DOCK1: variants seen among roughly 807,000 people sequenced by gnomAD.
The protein encoded by DOCK1 is dedicator of cytokinesis protein 1.
Under a neutral mutation model 262.7 loss-of-function variants are expected in DOCK1, and 138 were observed. That is an observed-to-expected ratio of 0.53 (90% CI 0.46 to 0.61). The LOEUF (loss-of-function observed/expected upper bound fraction) is 0.61. Among genes scored for constraint, DOCK1 ranks in the 20% least tolerant of loss-of-function variants. The probability of loss-of-function intolerance (pLI) is 0.00; values close to 1 mark genes in which losing one functional copy is unlikely to be tolerated. For missense variants in DOCK1, 1,908 were observed against 2,370.7 expected, an observed-to-expected ratio of 0.80 and a Z score of 4.05; for synonymous variants, 866 against 867.4, an observed-to-expected ratio of 1.00 and a Z score of 0.03.
At chr10:127,150,374 A>C (rs201678968) in intron 27 of DOCK1, among the ~76,000 whole-genome samples, 1 of 62,588 alleles carries the variant, frequency 1.6e-5, no homozygotes, top group African/African-American at 2.8e-5. Context: ...CCCTGAGGGA[A>C]GTGACCCTGT....
intron 15 of DOCK1, 117 bp from the exon 16 acceptor site, chr10:127,026,235 T>G (rs925143676): frequency 3.9e-6 from 4 of 1,016,862 alleles, no homozygotes; most frequent in Non-Finnish European, 6.0e-6. Flanking sequence ...GTGTACAGTA[T>G]TTTCACCACT....
At chr10:127,208,253 G>A (rs186571918) in intron 27 of DOCK1, among the ~76,000 whole-genome samples, 7 of 152,212 alleles carry the variant, frequency 4.6e-5, no homozygotes, top group East Asian at 1.9e-4. Flanking sequence ...TTAAATGGAC[G>A]GTCATATATG....
chr10:127,186,507 G>GGCCCCCC (rs2056257465), intron 27 of DOCK1, among the ~76,000 whole-genome samples: 1 of 5,912 alleles, frequency 1.7e-4, no homozygotes, highest in African/African-American at 3.2e-4. Context: ...GGGAGAAACC[G>GGCCCCCC]CCCCCCCGCC....
intron 29 of DOCK1, 39 bp from the exon 30 acceptor site, chr10:127,338,967 G>GT (rs1219194388): frequency 3.3e-6 from 5 of 1,521,806 alleles, no homozygotes; most frequent in Middle Eastern, 1.7e-4. Flanking sequence ...GTGCCAGAGC[G>GT]TAAGTGTGTA....
At chr10:127,351,127 A>C (rs2063859176) in intron 31 of DOCK1, among the ~76,000 whole-genome samples, 1 of 152,194 alleles carries the variant, frequency 6.6e-6, no homozygotes. Context: ...AGATTAGGCC[A>C]CAGGGACCAA....
intron 2 of DOCK1, among the ~76,000 whole-genome samples, chr10:126,975,628 C>CTT (rs79203184): frequency 4.9e-5 from 7 of 143,176 alleles, no homozygotes; most frequent in Admixed American, 2.8e-4. Context: ...TCTTTCTTTT[C>CTT]TTTTTTTTTT....
intron 29 of DOCK1, among the ~76,000 whole-genome samples, chr10:127,286,470 A>G (rs2061156632): frequency 1.3e-5 from 2 of 152,110 alleles, no homozygotes; most frequent in African/African-American, 4.8e-5. Flanking sequence ...ACTTTCATAC[A>G]TGTACAGAAG....
intron 32 of DOCK1, among the ~76,000 whole-genome samples, chr10:127,361,176 T>C (rs745666387): frequency 8.4e-5 from 12 of 143,584 alleles, no homozygotes; most frequent in Non-Finnish European, 1.3e-4. Flanking sequence ...TGCACTGGCG[T>C]GATCTTGGCT....
chr10:127,310,652 A>T (rs2062032079), intron 29 of DOCK1, among the ~76,000 whole-genome samples: 1 of 152,208 alleles, frequency 6.6e-6, no homozygotes, highest in South Asian at 2.1e-4. Context: ...GTTGCCATAA[A>T]GAATGATTTC....
At chr10:127,347,493 C>T (rs893754544) in intron 31 of DOCK1, among the ~76,000 whole-genome samples, 3 of 152,120 alleles carry the variant, frequency 2.0e-5, no homozygotes, top group Non-Finnish European at 2.9e-5. Context: ...CACGGGACAT[C>T]GAGTGCCAAA....
intron 1 of DOCK1, among the ~76,000 whole-genome samples, chr10:126,966,672 G>A (rs963393620): frequency 6.6e-6 from 1 of 152,096 alleles, no homozygotes; most frequent in African/African-American, 2.4e-5. Flanking sequence ...GAACAGAGGT[G>A]ATCGCAATAC....
At chr10:127,213,551 G>A (rs1254222695) in intron 27 of DOCK1, among the ~76,000 whole-genome samples, 1 of 152,222 alleles carries the variant, frequency 6.6e-6, no homozygotes, top group Non-Finnish European at 1.5e-5. Context: ...AAGATGAACA[G>A]AATGAAAAAT....
At chr10:126,949,088 C>G (rs2035927647) in intron 1 of DOCK1, among the ~76,000 whole-genome samples, 1 of 152,154 alleles carries the variant, frequency 6.6e-6, no homozygotes, top group Non-Finnish European at 1.5e-5. Flanking sequence ...GGTGCACGTT[C>G]TGCTGGGGGG....
intron 29 of DOCK1, among the ~76,000 whole-genome samples, chr10:127,258,754 T>G (rs1212029981): frequency 6.6e-6 from 1 of 152,242 alleles, no homozygotes; most frequent in Admixed American, 6.5e-5. Context: ...CCACCAGCCA[T>G]GTAAGTGATT....
At chr10:127,418,165 G>A (rs2068273427) in intron 44 of DOCK1, among the ~76,000 whole-genome samples, 200 bp from the exon 45 acceptor site, 1 of 151,632 alleles carries the variant, frequency 6.6e-6, no homozygotes, top group South Asian at 2.1e-4. Flanking sequence ...CTGAGCAGCA[G>A]CTTTGCTTTG....
At chr10:127,293,431 T>A (rs1355378315) in intron 29 of DOCK1, among the ~76,000 whole-genome samples, 2 of 152,222 alleles carry the variant, frequency 1.3e-5, no homozygotes, top group Admixed American at 6.5e-5. Flanking sequence ...CATTGGACAC[T>A]GTGGGGCCAG....
chr10:126,973,791 A>T (rs190725900), intron 2 of DOCK1, among the ~76,000 whole-genome samples: 1 of 152,192 alleles, frequency 6.6e-6, no homozygotes, highest in Admixed American at 6.5e-5. Context: ...TCTAAATTTC[A>T]TGGCTTGTAT....
At chr10:127,438,271 A>T (rs74559074) in intron 48 of DOCK1, among the ~76,000 whole-genome samples, 2,817 of 152,340 alleles carry the variant, frequency 0.018, 48 homozygotes, top group Middle Eastern at 0.031. Flanking sequence ...CTTGCACACT[A>T]ACCTTTTGGT....
chr10:127,170,367 C>G (rs1266511672), intron 27 of DOCK1, among the ~76,000 whole-genome samples: 1 of 152,178 alleles, frequency 6.6e-6, no homozygotes, highest in Non-Finnish European at 1.5e-5. Context: ...AGGTAACACC[C>G]AGCAAATGCT....
Sources: gnomAD v4.1 joint callset for allele counts (sites outside exome capture counted in the v4.1 genomes callset) on GRCh38, gnomAD v4.1.1 for gene constraint, MANE v1.5 for transcripts, NCBI Gene and HGNC (gene_info 2026-07-23, HGNC 2026-07-21) for gene names.